Variants in CFAP74 observed in about 807,000 individuals in gnomAD.
CFAP74 encodes the protein cilia and flagella associated protein 74, also known as cilia- and flagella-associated protein 74.
CFAP74 carries 124 observed loss-of-function variants against 188.9 expected under a neutral mutation model. That is an observed-to-expected ratio of 0.66 (90% CI 0.57 to 0.76). The LOEUF (loss-of-function observed/expected upper bound fraction) is 0.76. Among genes scored for constraint, CFAP74 ranks in the 30% least tolerant of loss-of-function variants. CFAP74 has a pLI of 0.00. For missense variants in CFAP74, 2,198 were observed against 2,165.2 expected (o/e 1.02, Z -0.30); for synonymous variants, 956 against 916.7 (o/e 1.04, Z -0.77).
At chr1:1,938,060 C>T (rs1022363627) in intron 25 of CFAP74, among the ~76,000 whole-genome samples, 1 of 142,908 alleles carries the variant, frequency 7.0e-6, no homozygotes, top group African/African-American at 2.6e-5. Context: ...TCACACTCAA[C>T]CTTACACACC....
intron 18 of CFAP74, among the ~76,000 whole-genome samples, chr1:1,947,680 G>A (rs896971271): frequency 3.3e-5 from 5 of 152,236 alleles, no homozygotes; most frequent in African/African-American, 4.8e-5. Context: ...CCTCTGTCGT[G>A]CTGCCCGGTC....
In CFAP74 at chr1:1,988,896, G is replaced by T; in HGVS notation, c.145C>A (p.His49Asn). Residue 49 changes from histidine (H) to asparagine (N), a missense_variant, in exon 3 of 39, where the codon CAC becomes AAC. Coordinates refer to ENST00000682832, the MANE Select transcript of CFAP74 (RefSeq NM_001304360.2). ...CCCGATCCTCCGAGTTACCTGCTGT[G>T]TCCCGGGTCCACGTCATCCTCAGCT... ...QEAEDDVDPG[H>N]SSSVKELDTD... 2 of 1,536,184 alleles carry T rather than the reference G, an allele frequency of 1.3e-6. No individual in the cohort carries two copies. The highest frequency in any genetic ancestry group is 1.1e-5 in the South Asian group (1 of 89,410).
At chr1:1,946,144 G>A (rs1653760174) in intron 20 of CFAP74, among the ~76,000 whole-genome samples, 173 bp downstream of exon 20, 1 of 152,266 alleles carries the variant, frequency 6.6e-6, no homozygotes. Context: ...GTGTGCGTGT[G>A]TGCACACTCG....
intron 6 of CFAP74, among the ~76,000 whole-genome samples, chr1:1,979,782 G>A (rs762010612): frequency 2.6e-5 from 3 of 113,514 alleles, no homozygotes; most frequent in Non-Finnish European, 5.7e-5. Context: ...TACTGACCTG[G>A]GTGTGGGAAG....
In CFAP74 at chr1:1,959,174, C is replaced by G; in HGVS notation, c.1797G>C (p.Leu599Phe). 1.2e-6 allele frequency: 2 copies of G among 1,612,334 alleles called. No homozygotes were observed. Among genetic ancestry groups the G allele is most frequent in the Non-Finnish European group, 8.5e-7 (1 of 1,178,682 alleles). Residue 599 changes from leucine to phenylalanine, a missense_variant, in exon 16 of 39, where the codon TTG becomes TTC. Transcript: ENST00000682832. ...NKDLEGNISF[L>F]AQTGEFSVPL... Reference sequence around the variant, plus strand: ...GAACTGAAAACTCGCCCGTCTGAGCCAAAAATGAGATATTTCCTTCTAGAT... The same window carrying G: ...GAACTGAAAACTCGCCCGTCTGAGCGAAAAATGAGATATTTCCTTCTAGAT...
In CFAP74 at chr1:1,923,833, CT is replaced by C; in HGVS notation, c.4330del (p.Ser1444AlafsTer28). ...GAAGTAGAGGCTTTCGTGGTCGGGG[CT>C]GAAGGTGACAGTGAAGTCTTGTGTC... ...GKTQDFTVTF[S>X]PDHESLYFSD... On this transcript the variant is annotated frameshift_variant, in exon 35 of 39. Transcript: ENST00000682832. LOFTEE classifies it high-confidence loss of function. The surrounding 1 kb of genome is among the most constrained non-coding windows in gnomAD (Gnocchi z 6.3). The C allele has an allele frequency of 6.2e-7, 1 of 1,613,444 alleles. No individual in the cohort carries two copies. The highest frequency in any genetic ancestry group is 8.5e-7 in the Non-Finnish European group (1 of 1,179,808).
At chr1:1,929,798 C>T (rs1652215639) in intron 26 of CFAP74, among the ~76,000 whole-genome samples, 1 of 151,950 alleles carries the variant, frequency 6.6e-6, no homozygotes, top group South Asian at 2.1e-4. Context: ...GGCCAGCAGC[C>T]TGGGGAGCTC....
chr1:1,948,118 A>G (rs1368987193), intron 18 of CFAP74, among the ~76,000 whole-genome samples: 4 of 151,816 alleles, frequency 2.6e-5, no homozygotes, highest in South Asian at 2.1e-4. Context: ...TGATCTGCCC[A>G]CCTTGGCCTC....
intron 4 of CFAP74, chr1:1,988,131 A>G (rs746721232): frequency 1.5e-5 from 7 of 478,238 alleles, no homozygotes; most frequent in South Asian, 7.7e-5. Context: ...TTTTTAGGAG[A>G]CGCTGAAATA....
At chr1:1,941,314 A>G (rs1430211278) in intron 22 of CFAP74, among the ~76,000 whole-genome samples, 2 of 152,148 alleles carry the variant, frequency 1.3e-5, no homozygotes, top group African/African-American at 4.8e-5. Flanking sequence ...ACTGAGCATC[A>G]TTTGTCTGGA....
At chr1:1,991,919 G>A (rs1045227676) in intron 1 of CFAP74, among the ~76,000 whole-genome samples, 84 of 150,742 alleles carry the variant, frequency 5.6e-4, no homozygotes, top group Admixed American at 4.5e-3. Context: ...AGGCGCCTGC[G>A]GTCCCAGCTA....
chr1:1,922,796 G>A, intron 37 of CFAP74, 73 bp from the exon 38 acceptor site: 1 of 1,542,290 alleles, frequency 6.5e-7, no homozygotes, highest in Non-Finnish European at 8.7e-7. Context: ...AGGGGTGAGG[G>A]TGCCCAGCTC....
At chr1:1,922,824 C>T in intron 37 of CFAP74, 101 bp from the exon 38 acceptor site, 1 of 1,494,168 alleles carries the variant, frequency 6.7e-7, no homozygotes, top group East Asian at 2.3e-5. Flanking sequence ...CCTCCCAGCT[C>T]TGACCAGGCT....
chr1:1,980,139 C>A (rs560651976), intron 6 of CFAP74, among the ~76,000 whole-genome samples: 1 of 94,686 alleles, frequency 1.1e-5, no homozygotes, highest in African/African-American at 4.1e-5. Flanking sequence ...GCCCTCTTAC[C>A]GCGTGGGGAG....
rs1162042144 is a variant in CFAP74, at chr1:1,974,101, C to T, written c.598G>A (p.Val200Met). 6.2e-7 allele frequency: 1 copy of T among 1,612,502 alleles called. No homozygotes were observed. The part of the protein sequence containing the change: ...EVEATGRRLQ[V>M]RAAEQLCREQ... ...CTGCAGAGCTGCTCGGCTGCGCGCA[C>T]CTGGAGCCGCCGCCCCGTGGCCTCC... Residue 200 changes from valine to methionine, a missense_variant, in exon 7 of 39, where the codon GTG becomes ATG. Physicochemically the swap from Val to Met is conservative, Grantham distance 21 (BLOSUM62 1). Coordinates refer to ENST00000682832, the MANE Select transcript of CFAP74 (RefSeq NM_001304360.2).
intron 14 of CFAP74, among the ~76,000 whole-genome samples, chr1:1,960,711 G>A (rs896956347): frequency 2.0e-5 from 3 of 152,336 alleles, no homozygotes; most frequent in East Asian, 1.9e-4. Context: ...CATTCCCACG[G>A]CACCAGCAGA....
rs1456055339 is a variant in CFAP74, at chr1:1,980,494, G to A, written c.500+4892C>T. On this transcript the variant is annotated intron_variant, in intron 6 of 38. Coordinates refer to ENST00000682832, the MANE Select transcript of CFAP74 (RefSeq NM_001304360.2). ...GCCACCGGCACAGATCGCAGTGGGC[G>A]CCTCACAGCAGCCCCCGGGCACAGG... 4.1e-5 allele frequency among the ~76,000 whole-genome samples: 6 copies of A among 146,574 alleles called. 2 individuals carry two copies. Among genetic ancestry groups the A allele is most frequent in the African/African-American group, 7.8e-5 (3 of 38,448 alleles).
Position 1,955,837 on chromosome 1 carries a change from G to A in CFAP74, c.2030C>T (p.Thr677Ile), listed in dbSNP as rs1444477464. 1 of 1,613,208 alleles carries A rather than the reference G, an allele frequency of 6.2e-7. No homozygotes were observed. Among genetic ancestry groups the A allele is most frequent in the Admixed American group, 1.7e-5 (1 of 60,018 alleles). ...GTCATACAAGCTTTTATCTTCGTAGGTCAGGAGACTGCTCTAGAGAGGAGA... is the reference window on the plus strand; with the variant it reads ...GTCATACAAGCTTTTATCTTCGTAGATCAGGAGACTGCTCTAGAGAGGAGA... Reference protein sequence around the residue: ...QSALKLSSLLTYEDKSLYDKA... With the variant: ...QSALKLSSLLIYEDKSLYDKA... Residue 677 changes from threonine (T) to isoleucine (I), a missense_variant, in exon 18 of 39, where the codon ACC becomes ATC. Coordinates refer to ENST00000682832, the MANE Select transcript of CFAP74 (RefSeq NM_001304360.2).
rs759745022 is a variant in CFAP74 at position 1,974,179 on chromosome 1, C to T, written c.520G>A (p.Glu174Lys). The T allele has an allele frequency of 1.1e-5, 18 of 1,606,706 alleles. No individual in the cohort carries two copies. The highest frequency in any genetic ancestry group is 1.1e-4 in the South Asian group (10 of 90,338). Residue 174 changes from glutamate (E) to lysine (K), a missense_variant, in exon 7 of 39, where the codon GAG becomes AAG. Coordinates refer to ENST00000682832, the MANE Select transcript of CFAP74 (RefSeq NM_001304360.2). ...GCCTCGAGTCGCCCCTCCTGGATCTCGATGTGCCACATGGTGTTCCTTCAA... is the reference window on the plus strand; with the variant it reads ...GCCTCGAGTCGCCCCTCCTGGATCTTGATGTGCCACATGGTGTTCCTTCAA... Reference protein sequence around the residue: ...KESENTMWHIEIQEGRLEAFR... With the variant: ...KESENTMWHIKIQEGRLEAFR...
Sources: allele counts gnomAD v4.1 joint callset (sites outside exome capture counted in the v4.1 genomes callset), GRCh38; gene constraint gnomAD v4.1.1; non-coding constraint Gnocchi (gnomAD v3.1); transcripts MANE v1.5; gene names NCBI Gene and HGNC (gene_info 2026-07-23, HGNC 2026-07-21).